Variants in TRABD2A observed in about 807,000 individuals in gnomAD.
TRABD2A encodes metalloprotease TIKI1.
In TRABD2A, 43 loss-of-function variants were observed where a neutral mutation model predicts 45.6. The observed-to-expected ratio is 0.94, with a 90% CI of 0.74 to 1.22. The LOEUF is 1.22. Among genes scored for constraint, TRABD2A ranks in the 50% most tolerant of loss-of-function variants. The pLI, the probability that TRABD2A is intolerant of heterozygous loss-of-function variation, is 0.00. For synonymous variants in TRABD2A, 269 were observed against 265.0 expected (o/e 1.02, Z -0.15); for missense variants, 642 against 652.4 (o/e 0.98, Z 0.17).
chr2:84,828,317 A>T (rs1681208307), intron 5 of TRABD2A, among the ~76,000 whole-genome samples: 2 of 152,166 alleles, frequency 1.3e-5, no homozygotes, highest in Admixed American at 1.3e-4. Flanking sequence ...GGCCTTAAGT[A>T]AGCTAAATCA....
Position 84,841,897 on chromosome 2 carries a change from G to A in TRABD2A, c.780C>T (p.Asp260=). 3.9e-6 allele frequency: 6 copies of A among 1,546,756 alleles called. No homozygotes were observed. The highest frequency in any genetic ancestry group is 5.2e-6 in the Non-Finnish European group (6 of 1,145,824). The change falls in exon 3 of 7, where the codon GAC becomes GAT. Residue 260 remains aspartate, a synonymous_variant. Transcript: ENST00000409520. ...CATGGCTGAGGATGACGGAGCTGAG[G>A]TCCCCGCAGTTATAGTGTTTGATGA... ...EDLIKHYNCG[D]LSSVILSHDS...
At chr2:84,841,819 A>G (rs1332169113) in intron 3 of TRABD2A, 42 bp downstream of exon 3, 1 of 1,460,822 alleles carries the variant, frequency 6.8e-7, no homozygotes, top group Admixed American at 2.7e-5. Flanking sequence ...TATTCCTATA[A>G]TTAAATGTGT....
At position 84,823,933 on chromosome 2, in the gene TRABD2A, A is replaced by G; in HGVS notation, c.1334+20T>C. ...TAGGGTAAAGGTGGATGCCAACCCG[A>G]CCCAGCCTACTCGCCTGACCTCTCC... On this transcript the variant is annotated intron_variant, in intron 6 of 6. Coordinates refer to ENST00000409520, the MANE Select transcript of TRABD2A (RefSeq NM_001277053.2). 2 of 1,612,228 alleles carry G rather than the reference A, an allele frequency of 1.2e-6. No individual in the cohort carries two copies. Among genetic ancestry groups the G allele is most frequent in the Non-Finnish European group, 1.7e-6 (2 of 1,179,644 alleles).
At chr2:84,823,720 A>C (rs928888500) in intron 6 of TRABD2A, among the ~76,000 whole-genome samples, 7 of 152,048 alleles carry the variant, frequency 4.6e-5, no homozygotes, top group African/African-American at 1.4e-4. Flanking sequence ...CTACCCCGAA[A>C]CTTGTTCTTT....
Position 84,824,072 on chromosome 2 carries a change from C to A in TRABD2A, c.1215G>T (p.Arg405=), listed in dbSNP as rs374724800. ...CACTGGGCGTGTCGGCACTTCCAGG[C>A]CGGGACACAAGGGGAGGCAGCGTTG... ...GHSTLPPLVS[R]PGSADTPSEA... Residue 405 remains arginine, a synonymous_variant, in exon 6 of 7, where the codon CGG becomes CGT. Transcript: ENST00000409520. 1 of 1,613,830 alleles carries A rather than the reference C, an allele frequency of 6.2e-7. No individual in the cohort carries two copies. Among genetic ancestry groups the A allele is most frequent in the South Asian group, 1.1e-5 (1 of 91,044 alleles).
At chr2:84,862,181 C>A (rs556670400) in intron 2 of TRABD2A, among the ~76,000 whole-genome samples, 1 of 152,224 alleles carries the variant, frequency 6.6e-6, no homozygotes, top group Non-Finnish European at 1.5e-5. Flanking sequence ...AACTTGGCCC[C>A]AGTCCCACCT....
chr2:84,824,196 C>T lies in TRABD2A; in HGVS notation c.1091G>A (p.Ser364Asn). 6.2e-7 allele frequency: 1 copy of T among 1,613,888 alleles called. No homozygotes were observed. The highest frequency in any genetic ancestry group is 8.5e-7 in the Non-Finnish European group (1 of 1,179,854). ...PAGRPIHKGK[S>N]KKTSTRPTLS... ...AGTGGGCCGTGTGGAGGTCTTTTTA[C>T]TCTTCCCTCTGTACGCAAGTGGAAG... Residue 364 changes from serine to asparagine, a missense_variant, in exon 6 of 7, where the codon AGT becomes AAT. Physicochemically the swap from Ser to Asn is conservative, Grantham distance 46 (BLOSUM62 1). Transcript: ENST00000409520.
chr2:84,853,366 G>A (rs563171644), intron 2 of TRABD2A, among the ~76,000 whole-genome samples: 5 of 152,204 alleles, frequency 3.3e-5, no homozygotes, highest in Admixed American at 3.3e-4. Flanking sequence ...GGCAGAAGAG[G>A]AAGCAAACAT....
chr2:84,833,545 C>G (rs1034328556), intron 4 of TRABD2A: 4 of 152,120 alleles, frequency 2.6e-5, no homozygotes, highest in Non-Finnish European at 2.9e-5. Context: ...TTTTAAAACT[C>G]CAGTACTTTC....
At chr2:84,873,855 C>T (rs1215628144) in intron 1 of TRABD2A, among the ~76,000 whole-genome samples, 1 of 152,218 alleles carries the variant, frequency 6.6e-6, no homozygotes, top group Non-Finnish European at 1.5e-5. Context: ...GATCTAATTG[C>T]ACAATGTCCA....
chr2:84,858,800 C>G (rs901310981), intron 2 of TRABD2A, among the ~76,000 whole-genome samples: 3 of 152,182 alleles, frequency 2.0e-5, no homozygotes, highest in African/African-American at 7.2e-5. Context: ...ACTGAAGGTC[C>G]TGGGTTCAAA....
At chr2:84,869,767 G>A (rs541489039) in intron 2 of TRABD2A, among the ~76,000 whole-genome samples, 1 of 119,974 alleles carries the variant, frequency 8.3e-6, no homozygotes, top group South Asian at 3.1e-4. Context: ...ATCACTTGAG[G>A]TCAGGAGTTC....
chr2:84,877,878 T>G (rs1683078082), intron 1 of TRABD2A, among the ~76,000 whole-genome samples: 1 of 152,190 alleles, frequency 6.6e-6, no homozygotes, highest in Admixed American at 6.5e-5. Context: ...TGGCTTTACA[T>G]TATCCTTTTC....
chr2:84,839,618 A>AT (rs1681641537), intron 3 of TRABD2A, among the ~76,000 whole-genome samples: 1 of 152,004 alleles, frequency 6.6e-6, no homozygotes, highest in Non-Finnish European at 1.5e-5. Flanking sequence ...AAAAAAAAAA[A>AT]GGACACTGTC....
At chr2:84,855,945 A>T (rs1481756266) in intron 2 of TRABD2A, among the ~76,000 whole-genome samples, 4 of 152,000 alleles carry the variant, frequency 2.6e-5, no homozygotes, top group African/African-American at 4.8e-5. Flanking sequence ...CAGATCAAAG[A>T]CCTGCTCTGC....
intron 2 of TRABD2A, among the ~76,000 whole-genome samples, chr2:84,847,806 C>A (rs1437469024): frequency 1.3e-5 from 2 of 152,168 alleles, no homozygotes; most frequent in East Asian, 3.8e-4. Context: ...AATTGTATTG[C>A]CTCACCATTC....
At chr2:84,867,829 A>T (rs1413769305) in intron 2 of TRABD2A, among the ~76,000 whole-genome samples, 2 of 152,256 alleles carry the variant, frequency 1.3e-5, no homozygotes, top group East Asian at 3.8e-4. Flanking sequence ...CAGACACATG[A>T]ACAAATGCTC....
chr2:84,858,338 C>A (rs2105397283), intron 2 of TRABD2A, among the ~76,000 whole-genome samples: 1 of 152,298 alleles, frequency 6.6e-6, no homozygotes, highest in South Asian at 2.1e-4. Context: ...CTGTGGCCAG[C>A]AGAGCACAAA....
chr2:84,841,893 T>A lies in TRABD2A; in HGVS notation c.784A>T (p.Ser262Cys). 6.5e-7 allele frequency: 1 copy of A among 1,545,964 alleles called. No individual in the cohort carries two copies. The highest frequency in any genetic ancestry group is 1.2e-5 in the South Asian group (1 of 83,358). The change falls in exon 3 of 7, where the codon AGC becomes TGC. Residue 262 changes from serine (S) to cysteine (C), a missense_variant. Physicochemically the swap from Ser to Cys is moderately radical, Grantham distance 112. Coordinates refer to ENST00000409520, the MANE Select transcript of TRABD2A (RefSeq NM_001277053.2). ...CTGTCATGGCTGAGGATGACGGAGC[T>A]GAGGTCCCCGCAGTTATAGTGTTTG... Reference protein sequence around the residue: ...LIKHYNCGDLSSVILSHDSSQ... With the variant: ...LIKHYNCGDLCSVILSHDSSQ...
Sources: gnomAD v4.1 joint callset for allele counts (sites outside exome capture counted in the v4.1 genomes callset) on GRCh38, gnomAD v4.1.1 for gene constraint, MANE v1.5 for transcripts, NCBI Gene and HGNC (gene_info 2026-07-23, HGNC 2026-07-21) for gene names.